VPS8: variants seen among roughly 807,000 people sequenced by gnomAD.
VPS8 encodes vacuolar protein sorting-associated protein 8 homolog.
A neutral mutation model predicts 216.4 loss-of-function variants in VPS8; 129 were observed. That is an observed-to-expected ratio of 0.60 (90% CI 0.52 to 0.69). The LOEUF is 0.69. VPS8 is among the 30% of genes least tolerant of loss of function. The pLI is 0.00. For missense variants in VPS8, 1,531 were observed against 1,683.5 expected (o/e 0.91, Z 1.59); for synonymous variants, 571 against 565.4 (o/e 1.01, Z -0.14).
chr3:184,854,111 C>T lies in VPS8; in HGVS notation c.976-3C>T, dbSNP rs368151403. On this transcript the variant is annotated splice_region_variant and splice_polypyrimidine_tract_variant and intron_variant, in intron 12 of 47. Transcript: ENST00000625842. ...ATATTGAAAACATATTTTTCTCTTA[C>T]AGATACTGGTCATTGGATTGAAACC... 9.9e-6 allele frequency: 16 copies of T among 1,613,728 alleles called. No homozygotes were observed. The African/African-American group carries it at 1.1e-4, about 11-fold the overall frequency.
At chr3:184,952,669 C>T (rs1275275969) in intron 36 of VPS8, among the ~76,000 whole-genome samples, 2 of 152,202 alleles carry the variant, frequency 1.3e-5, no homozygotes, top group East Asian at 1.9e-4. Flanking sequence ...TCAAGCTTCA[C>T]GCCTTTTTGT....
At chr3:184,907,382 A>G (rs1440013954) in intron 25 of VPS8, among the ~76,000 whole-genome samples, 8 of 152,198 alleles carry the variant, frequency 5.3e-5, no homozygotes, top group Admixed American at 5.2e-4. Flanking sequence ...CTTTGTCCAC[A>G]AGGAATTTCC....
At chr3:184,853,479 C>T (rs1171908895) in intron 11 of VPS8, among the ~76,000 whole-genome samples, 1 of 152,140 alleles carries the variant, frequency 6.6e-6, no homozygotes, top group Non-Finnish European at 1.5e-5. Flanking sequence ...ACCATTCAGA[C>T]ACAAAGACTT....
At chr3:185,011,002 AAAAC>A (rs1467463870) in intron 45 of VPS8, among the ~76,000 whole-genome samples, 1 of 152,174 alleles carries the variant, frequency 6.6e-6, no homozygotes, top group Non-Finnish European at 1.5e-5. Flanking sequence ...CTATCTCAAA[AAAAC>A]AAAAAAGAAA....
chr3:184,874,724 A>G (rs1046268521), intron 21 of VPS8, among the ~76,000 whole-genome samples: 2 of 152,284 alleles, frequency 1.3e-5, no homozygotes, highest in Non-Finnish European at 2.9e-5. Context: ...CTGCTAAGGC[A>G]TTTTGTAGGC....
chr3:184,888,915 T>C (rs1362527395), intron 22 of VPS8, among the ~76,000 whole-genome samples: 1 of 152,246 alleles, frequency 6.6e-6, no homozygotes, highest in African/African-American at 2.4e-5. Context: ...GTGATCATTA[T>C]CTTGAATACT....
chr3:184,930,621 A>C, intron 34 of VPS8, 53 bp downstream of exon 34: 1 of 1,369,712 alleles, frequency 7.3e-7, no homozygotes, highest in Non-Finnish European at 1.0e-6. Flanking sequence ...ATCTAACCCA[A>C]GTTAACTTTA....
intron 36 of VPS8, among the ~76,000 whole-genome samples, chr3:184,950,040 A>G (rs1006104968): frequency 6.6e-6 from 1 of 150,888 alleles, no homozygotes; most frequent in East Asian, 2.0e-4. Flanking sequence ...CTCCCGAGTA[A>G]CTGGGATTAC....
intron 32 of VPS8, among the ~76,000 whole-genome samples, chr3:184,929,325 C>T (rs764125553): frequency 8.5e-5 from 13 of 152,178 alleles, no homozygotes; most frequent in Non-Finnish European, 1.6e-4. Context: ...TCCGTAGTAG[C>T]TCAGATGACA....
chr3:184,913,636 T>A, intron 26 of VPS8, 75 bp downstream of exon 26: 1 of 1,227,204 alleles, frequency 8.1e-7, no homozygotes, highest in Non-Finnish European at 1.1e-6. Context: ...GATACTATGA[T>A]CTCTTATCTA....
chr3:185,033,814 T>C (rs1004016981), intron 46 of VPS8, among the ~76,000 whole-genome samples: 1 of 152,254 alleles, frequency 6.6e-6, no homozygotes, highest in African/African-American at 2.4e-5. Flanking sequence ...TTTTGAATTT[T>C]AGCCATTCTA....
At chr3:185,050,619 A>G (rs1482213075) in intron 47 of VPS8, among the ~76,000 whole-genome samples, 2 of 152,250 alleles carry the variant, frequency 1.3e-5, no homozygotes, top group East Asian at 3.8e-4. Context: ...GACCGAGGGC[A>G]AGTCACTGTG....
chr3:184,944,478 G>A (rs1743320421), intron 36 of VPS8: 1 of 985,096 alleles, frequency 1.0e-6, no homozygotes, highest in Non-Finnish European at 1.2e-6. Context: ...TTCTCCTGAT[G>A]TGCTTACACC....
chr3:184,926,376 CAATAAATA>C (rs150917702), intron 30 of VPS8, among the ~76,000 whole-genome samples: 23,234 of 149,410 alleles, frequency 0.16, 2,711 homozygotes, highest in African/African-American at 0.33. Flanking sequence ...GACTCTGTCT[CAATAAATA>C]AATAAATAAA....
intron 22 of VPS8, among the ~76,000 whole-genome samples, chr3:184,889,483 T>G (rs558281089): frequency 3.3e-5 from 5 of 152,304 alleles, no homozygotes; most frequent in African/African-American, 1.2e-4. Context: ...ACATTTTCCC[T>G]GGACCATAGT....
At chr3:184,967,107 C>CGT (rs1248560924) in intron 39 of VPS8, among the ~76,000 whole-genome samples, 1 of 152,076 alleles carries the variant, frequency 6.6e-6, no homozygotes, top group African/African-American at 2.4e-5. Flanking sequence ...GCTGGGACTA[C>CGT]AGGCGTATGC....
At chr3:184,841,540 G>A (rs1398669847) in intron 7 of VPS8, among the ~76,000 whole-genome samples, 2 of 152,020 alleles carry the variant, frequency 1.3e-5, no homozygotes, top group East Asian at 1.9e-4. Flanking sequence ...ACATTTCTGT[G>A]TCCATGATTA....
At chr3:185,040,355 TCTAA>T (rs1459580742) in intron 46 of VPS8, among the ~76,000 whole-genome samples, 2 of 152,200 alleles carry the variant, frequency 1.3e-5, no homozygotes, top group African/African-American at 4.8e-5. Context: ...CTTTGGAAGC[TCTAA>T]CTAAGATAAT....
intron 26 of VPS8, among the ~76,000 whole-genome samples, chr3:184,914,175 T>C (rs1480426775): frequency 6.6e-6 from 1 of 152,202 alleles, no homozygotes; most frequent in Non-Finnish European, 1.5e-5. Flanking sequence ...TGAGCTCATA[T>C]CTAATGTCAG....
Sources: gnomAD v4.1 joint callset for allele counts (sites outside exome capture counted in the v4.1 genomes callset) on GRCh38, gnomAD v4.1.1 for gene constraint, MANE v1.5 for transcripts, NCBI Gene and HGNC (gene_info 2026-07-23, HGNC 2026-07-21) for gene names.